GRID2: variants seen among roughly 807,000 people sequenced by gnomAD.
GRID2 encodes the protein glutamate ionotropic receptor delta type subunit 2, also known as glutamate receptor ionotropic, delta-2.
GRID2 carries 33 observed loss-of-function variants against 114.8 expected under a neutral mutation model. The observed-to-expected ratio is 0.29, with a 90% confidence interval of 0.22 to 0.38. GRID2 has a LOEUF of 0.38. Among genes scored for constraint, GRID2 ranks in the 10% least tolerant of loss-of-function variants. GRID2 has a pLI of 1.00. For missense variants in GRID2, 1,184 were observed against 1,257.7 expected (o/e 0.94, Z 0.89); for synonymous variants, 505 against 449.9 (o/e 1.12, Z -1.55).
At chr4:93,116,328 A>C (rs1412022537) in intron 4 of GRID2, among the ~76,000 whole-genome samples, 2 of 152,176 alleles carry the variant, frequency 1.3e-5, no homozygotes, top group Non-Finnish European at 2.9e-5. Context: ...GTTACTAGAA[A>C]TAAATTATTC....
intron 4 of GRID2, among the ~76,000 whole-genome samples, chr4:93,136,563 A>G (rs1370511013): frequency 6.6e-6 from 1 of 152,192 alleles, no homozygotes; most frequent in Non-Finnish European, 1.5e-5. Context: ...AAATGTTAGC[A>G]TATAGTGTAA....
In GRID2 at chr4:93,434,400, G is replaced by A. The variant is rs557036742; in HGVS notation, c.1545+11432G>A. Among the ~76,000 whole-genome samples, 23 of 152,146 alleles carry A rather than the reference G, an allele frequency of 1.5e-4. No homozygotes were observed. The East Asian group carries it at 4.5e-3, about 30-fold the overall frequency. On this transcript the variant is annotated intron_variant, in intron 10 of 15. Coordinates refer to ENST00000282020, the MANE Select transcript of GRID2 (RefSeq NM_001510.4). ...ACCAACATGGCACATGTATACATAT[G>A]TAACAAACCTGCACATTGTGCACAT...
At chr4:93,144,242 A>G (rs1348428139) in intron 4 of GRID2, among the ~76,000 whole-genome samples, 2 of 152,220 alleles carry the variant, frequency 1.3e-5, no homozygotes, top group African/African-American at 2.4e-5. Context: ...TGAAGATGAC[A>G]GTAGCAGCCA....
chr4:93,638,206 A>C (rs1721592217), intron 14 of GRID2, among the ~76,000 whole-genome samples: 1 of 150,700 alleles, frequency 6.6e-6, no homozygotes, highest in Non-Finnish European at 1.5e-5. Context: ...AAAGCTCTTT[A>C]TTTTTTAAAT....
At chr4:92,469,614 T>C (rs1197772729) in intron 1 of GRID2, among the ~76,000 whole-genome samples, 4 of 151,856 alleles carry the variant, frequency 2.6e-5, no homozygotes, top group Non-Finnish European at 5.9e-5. Flanking sequence ...GGATGTGGAA[T>C]CCAAGAATAC....
In GRID2 at chr4:93,389,978, G is replaced by A. The variant is rs371353999; in HGVS notation, c.1246-5629G>A. 5.3e-4 allele frequency among the ~76,000 whole-genome samples: 80 copies of A among 152,040 alleles called. 1 individual carries two copies. Among genetic ancestry groups the A allele is most frequent in the African/African-American group, 1.7e-3 (72 of 41,478 alleles). On this transcript the variant is annotated intron_variant, in intron 8 of 15. Coordinates refer to ENST00000282020, the MANE Select transcript of GRID2 (RefSeq NM_001510.4). ...TGATTTTTGTATTTTTAGTAGAGAC[G>A]GGGTTTCACCATGTTGGCCAGGCTG...
intron 2 of GRID2, among the ~76,000 whole-genome samples, chr4:92,768,924 G>T (rs773624890): frequency 1.3e-5 from 2 of 152,122 alleles, no homozygotes; most frequent in Non-Finnish European, 2.9e-5. Flanking sequence ...ATATTATTCT[G>T]CCCTGACTGC....
At chr4:93,168,198 T>C (rs980319250) in intron 4 of GRID2, among the ~76,000 whole-genome samples, 1 of 134,512 alleles carries the variant, frequency 7.4e-6, no homozygotes, top group Non-Finnish European at 1.5e-5. Flanking sequence ...TGAGACTCTA[T>C]CTCAAAAGAA....
At chr4:92,972,107 T>C (rs1753556331) in intron 2 of GRID2, among the ~76,000 whole-genome samples, 1 of 152,046 alleles carries the variant, frequency 6.6e-6, no homozygotes, top group Admixed American at 6.6e-5. Context: ...TTTTTTTTTC[T>C]CAGAAACTTC....
At chr4:92,925,284 G>A (rs528437133) in intron 2 of GRID2, among the ~76,000 whole-genome samples, 3 of 152,048 alleles carry the variant, frequency 2.0e-5, no homozygotes, top group Non-Finnish European at 4.4e-5. Context: ...TGAGATTTCT[G>A]TGTCAAGGTT....
chr4:93,364,230 A>T (rs1482012952), intron 8 of GRID2, among the ~76,000 whole-genome samples: 1 of 152,090 alleles, frequency 6.6e-6, no homozygotes, highest in Non-Finnish European at 1.5e-5. Flanking sequence ...GTTTGTAGGT[A>T]ATCTGTTTTT....
intron 13 of GRID2, among the ~76,000 whole-genome samples, chr4:93,554,483 T>C (rs1734108533): frequency 6.6e-6 from 1 of 152,164 alleles, no homozygotes; most frequent in Non-Finnish European, 1.5e-5. Context: ...AATGTACATG[T>C]TTATGGGGTA....
At chr4:93,331,208 A>G (rs928603967) in intron 8 of GRID2, among the ~76,000 whole-genome samples, 2 of 146,124 alleles carry the variant, frequency 1.4e-5, no homozygotes, top group African/African-American at 2.5e-5. Context: ...GAGACTCCAG[A>G]GACACTATGT....
intron 13 of GRID2, among the ~76,000 whole-genome samples, chr4:93,591,248 G>C (rs1738258632): frequency 6.6e-6 from 1 of 151,638 alleles, no homozygotes; most frequent in South Asian, 2.1e-4. Flanking sequence ...CTAATTTATT[G>C]AGAGTTTTTA....
chr4:93,524,809 A>G (rs1411234057), intron 13 of GRID2, among the ~76,000 whole-genome samples: 2 of 60,870 alleles, frequency 3.3e-5, no homozygotes, highest in South Asian at 6.2e-4. Context: ...ATATATATAT[A>G]TATATGTATG....
chr4:93,077,961 G>A (rs1211550599), intron 2 of GRID2, among the ~76,000 whole-genome samples: 1 of 152,146 alleles, frequency 6.6e-6, no homozygotes, highest in Non-Finnish European at 1.5e-5. Context: ...TTAAATAAAT[G>A]TGGATAAATA....
intron 1 of GRID2, among the ~76,000 whole-genome samples, chr4:92,367,145 G>T (rs1321366929): frequency 6.6e-6 from 1 of 151,992 alleles, no homozygotes; most frequent in Non-Finnish European, 1.5e-5. Flanking sequence ...GGCACTGTGT[G>T]ATTACCTATT....
chr4:92,666,912 T>A (rs531435609), intron 2 of GRID2, among the ~76,000 whole-genome samples: 1 of 151,412 alleles, frequency 6.6e-6, no homozygotes, highest in Admixed American at 6.6e-5. Context: ...GGTGCCTGCC[T>A]TTGTGTTTGT....
At chr4:92,905,141 C>G (rs2149484609) in intron 2 of GRID2, among the ~76,000 whole-genome samples, 2 of 151,870 alleles carry the variant, frequency 1.3e-5, no homozygotes, top group Middle Eastern at 6.9e-3. Context: ...TTTATTTCCC[C>G]TAAGGACAAA....
Sources: allele counts gnomAD v4.1 joint callset (sites outside exome capture counted in the v4.1 genomes callset), GRCh38; gene constraint gnomAD v4.1.1; transcripts MANE v1.5; gene names NCBI Gene and HGNC (gene_info 2026-07-23, HGNC 2026-07-21).